AUTS2: variants seen among roughly 807,000 people sequenced by gnomAD.
The protein encoded by AUTS2 is autism susceptibility gene 2 protein.
AUTS2 carries 17 observed loss-of-function variants against 112.4 expected under a neutral mutation model. The ratio of observed to expected loss-of-function variants is 0.15; its 90% CI spans 0.10 to 0.23. The LOEUF (loss-of-function observed/expected upper bound fraction) is 0.23, where lower values mean the gene tolerates loss of function less well. Ranked by LOEUF, AUTS2 falls within the 10% of genes least tolerant of loss-of-function variation. The pLI is 1.00. For synonymous variants in AUTS2, 751 were observed against 702.7 expected (o/e 1.07, Z -1.09); for missense variants, 1,510 against 1,701.6 (o/e 0.89, Z 1.98).
chr7:69,779,050 TAA>T (rs1554368326), intron 1 of AUTS2, among the ~76,000 whole-genome samples: 10,251 of 86,042 alleles, frequency 0.12, 718 homozygotes, highest in East Asian at 0.42. Context: ...TTTTTTTTTT[TAA>T]AAAAAAAAAA....
intron 2 of AUTS2, among the ~76,000 whole-genome samples, chr7:70,059,949 T>A (rs1339462942): frequency 6.6e-6 from 1 of 152,194 alleles, no homozygotes; most frequent in African/African-American, 2.4e-5. Flanking sequence ...TAAACAGTAC[T>A]TTTTACAGTT....
intron 4 of AUTS2, among the ~76,000 whole-genome samples, chr7:70,418,801 C>G (rs1168072793): frequency 6.6e-6 from 1 of 151,624 alleles, no homozygotes; most frequent in Non-Finnish European, 1.5e-5. Flanking sequence ...TAAAAGTGAC[C>G]CAAACTCTTT....
chr7:69,740,577 G>A (rs1052722080), intron 1 of AUTS2, among the ~76,000 whole-genome samples: 3 of 151,676 alleles, frequency 2.0e-5, no homozygotes, highest in African/African-American at 4.8e-5. Context: ...AGGCTGGAGT[G>A]CAATGGTGTG....
chr7:70,566,866 G>A (rs181687136), intron 5 of AUTS2, among the ~76,000 whole-genome samples: 1 of 152,320 alleles, frequency 6.6e-6, no homozygotes, highest in African/African-American at 2.4e-5. Context: ...TTTCGCAATA[G>A]CTGTCTTTCA....
At chr7:69,755,831 A>G (rs1400163954) in intron 1 of AUTS2, among the ~76,000 whole-genome samples, 1 of 152,060 alleles carries the variant, frequency 6.6e-6, no homozygotes, top group Non-Finnish European at 1.5e-5. Context: ...ATCTTGTGGT[A>G]GGAGCTAGAG....
intron 2 of AUTS2, among the ~76,000 whole-genome samples, chr7:70,082,142 A>C (rs1389768707): frequency 6.6e-6 from 1 of 152,160 alleles, no homozygotes; most frequent in African/African-American, 2.4e-5. Flanking sequence ...TTCCTAAAAT[A>C]GTTTTACTAA....
At chr7:70,275,649 G>C (rs1463202217) in intron 4 of AUTS2, among the ~76,000 whole-genome samples, 1 of 152,178 alleles carries the variant, frequency 6.6e-6, no homozygotes, top group Non-Finnish European at 1.5e-5. Flanking sequence ...TAATCCCCAT[G>C]TGTTGTGGGA....
At chr7:69,824,130 A>G (rs1309661494) in intron 1 of AUTS2, among the ~76,000 whole-genome samples, 1 of 151,938 alleles carries the variant, frequency 6.6e-6, no homozygotes, top group Admixed American at 6.6e-5. Flanking sequence ...TAAGTGTGAT[A>G]CGGCTGGGCA....
chr7:70,227,722 C>T (rs1314499939), intron 4 of AUTS2, among the ~76,000 whole-genome samples: 2 of 152,090 alleles, frequency 1.3e-5, no homozygotes, highest in Non-Finnish European at 2.9e-5. Context: ...AGTCTATTGA[C>T]ATATTTCAAA....
At chr7:69,980,375 G>A (rs768552739) in intron 2 of AUTS2, among the ~76,000 whole-genome samples, 4 of 152,196 alleles carry the variant, frequency 2.6e-5, no homozygotes, top group Non-Finnish European at 5.9e-5. Flanking sequence ...TGCAGAGGGA[G>A]TGCAGAGAAA....
intron 4 of AUTS2, among the ~76,000 whole-genome samples, chr7:70,363,333 GCTATTGATATAC>G (rs150483899): frequency 0.065 from 9,879 of 151,478 alleles, 580 homozygotes; most frequent in African/African-American, 0.11. Flanking sequence ...AAAATCTGAA[GCTATTGATATAC>G]CTAATGCTAG....
intron 5 of AUTS2, among the ~76,000 whole-genome samples, chr7:70,536,658 T>C (rs1800333570): frequency 6.7e-6 from 1 of 149,382 alleles, no homozygotes; most frequent in Non-Finnish European, 1.5e-5. Flanking sequence ...CCCAGGACTT[T>C]GGGAGGCTGA....
chr7:70,635,497 AC>A (rs1805488764), intron 5 of AUTS2, among the ~76,000 whole-genome samples: 1 of 152,166 alleles, frequency 6.6e-6, no homozygotes, highest in Admixed American at 6.5e-5. Context: ...TCATCTGAGG[AC>A]CCGAAGGCCT....
intron 2 of AUTS2, among the ~76,000 whole-genome samples, chr7:69,969,312 C>T (rs1419118796): frequency 6.6e-6 from 1 of 152,074 alleles, no homozygotes; most frequent in African/African-American, 2.4e-5. Flanking sequence ...TTTGAATTAC[C>T]ATGCTGCTAT....
At chr7:70,274,854 G>T (rs959322256) in intron 4 of AUTS2, among the ~76,000 whole-genome samples, 3 of 152,098 alleles carry the variant, frequency 2.0e-5, no homozygotes, top group Non-Finnish European at 2.9e-5. Flanking sequence ...AAATTTAACA[G>T]ATAATTACCA....
At chr7:69,907,497 C>T (rs1795193928) in intron 2 of AUTS2, among the ~76,000 whole-genome samples, 1 of 152,158 alleles carries the variant, frequency 6.6e-6, no homozygotes, top group African/African-American at 2.4e-5. Context: ...AACACACATC[C>T]TCTCACAAAC....
At chr7:69,609,327 T>C (rs1792898043) in intron 1 of AUTS2, among the ~76,000 whole-genome samples, 1 of 152,212 alleles carries the variant, frequency 6.6e-6, no homozygotes, top group Non-Finnish European at 1.5e-5. Context: ...AATGTTCTGA[T>C]TTACACAATA....
chr7:69,989,979 C>T (rs966867583), intron 2 of AUTS2, among the ~76,000 whole-genome samples: 8 of 152,194 alleles, frequency 5.3e-5, no homozygotes, highest in African/African-American at 9.7e-5. Flanking sequence ...CCAACACCAT[C>T]GCCCTCCCAT....
chr7:69,842,944 G>A (rs2129528814), intron 1 of AUTS2, among the ~76,000 whole-genome samples: 1 of 152,250 alleles, frequency 6.6e-6, no homozygotes, highest in South Asian at 2.1e-4. Flanking sequence ...TAATGGCTAG[G>A]GTTTACTCAG....
Sources: allele counts gnomAD v4.1 joint callset (sites outside exome capture counted in the v4.1 genomes callset), GRCh38; gene constraint gnomAD v4.1.1; transcripts MANE v1.5; gene names NCBI Gene and HGNC (gene_info 2026-07-23, HGNC 2026-07-21).